THSD4: variants seen among roughly 807,000 people sequenced by gnomAD.
THSD4 encodes thrombospondin type-1 domain-containing protein 4.
Under a neutral mutation model 119.0 loss-of-function variants are expected in THSD4, and 69 were observed. That is an observed-to-expected ratio of 0.58 (90% CI 0.48 to 0.71). THSD4 has a LOEUF of 0.71. THSD4 is among the 30% of genes least tolerant of loss of function. The pLI is 0.00. For missense variants in THSD4, 1,393 were observed against 1,391.1 expected (o/e 1.00, Z -0.02); for synonymous variants, 524 against 540.4 (o/e 0.97, Z 0.42).
At chr15:71,361,971 T>G (rs71395014) in intron 6 of THSD4, among the ~76,000 whole-genome samples, 9,716 of 152,256 alleles carry the variant, frequency 0.064, 419 homozygotes, top group Middle Eastern at 0.11. Flanking sequence ...CATAAGAAAT[T>G]TATATTATTC....
chr15:71,664,959 A>T (rs890637955), intron 8 of THSD4, among the ~76,000 whole-genome samples: 77 of 152,200 alleles, frequency 5.1e-4, no homozygotes, highest in African/African-American at 1.7e-3. Context: ...GAACATATGC[A>T]TGCATGTGTC....
chr15:71,656,675 T>C (rs1205785093), intron 7 of THSD4, among the ~76,000 whole-genome samples: 1 of 152,188 alleles, frequency 6.6e-6, no homozygotes, highest in Non-Finnish European at 1.5e-5. Context: ...ACCTCCGACT[T>C]TTACCTAATG....
intron 6 of THSD4, among the ~76,000 whole-genome samples, chr15:71,376,404 A>G (rs555438480): frequency 6.6e-6 from 1 of 152,112 alleles, no homozygotes; most frequent in Non-Finnish European, 1.5e-5. Context: ...CACCAGTCCC[A>G]TACTCACCTC....
intron 7 of THSD4, among the ~76,000 whole-genome samples, chr15:71,524,763 A>ATTTTTTTTTTTT (rs35666244): frequency 8.6e-6 from 1 of 116,108 alleles, no homozygotes; most frequent in Non-Finnish European, 1.7e-5. Flanking sequence ...CGCCCGGCTA[A>ATTTTTTTTTTTT]TTTTTTTTTT....
At chr15:71,148,245 C>A (rs1189425781) in intron 2 of THSD4, among the ~76,000 whole-genome samples, 2 of 152,136 alleles carry the variant, frequency 1.3e-5, no homozygotes, top group Admixed American at 1.3e-4. Flanking sequence ...CAAGGCAGAT[C>A]CAGAGGGAGC....
At chr15:71,103,652 C>G (rs1005502657) in intron 1 of THSD4, among the ~76,000 whole-genome samples, 3 of 152,122 alleles carry the variant, frequency 2.0e-5, no homozygotes, top group African/African-American at 2.4e-5. Flanking sequence ...CTCCTCCAGT[C>G]AAACAGAATA....
chr15:71,290,874 C>CT (rs2044781849), intron 6 of THSD4, among the ~76,000 whole-genome samples: 4 of 90,820 alleles, frequency 4.4e-5, no homozygotes, highest in Admixed American at 1.3e-4. Flanking sequence ...TTCCTTTTTT[C>CT]CTTTTTTTTT....
chr15:71,242,832 C>G lies in THSD4; in HGVS notation c.648C>G (p.His216Gln). The change falls in exon 5 of 18, where the codon CAC becomes CAG. Residue 216 changes from histidine (H) to glutamine (Q), a missense_variant. Transcript: ENST00000261862. ...SARHGYSSPA[H>Q]QVPQHGPLYQ... The stretch of plus-strand genomic sequence containing the variant: ...GGCATGGCTACAGTTCACCAGCCCA[C>G]CAGGTCCCCCAACATGGGCCTTTGT... The G allele has an allele frequency of 6.2e-7, 1 of 1,614,208 alleles. No individual in the cohort carries two copies. Among genetic ancestry groups the G allele is most frequent in the Non-Finnish European group, 8.5e-7 (1 of 1,180,040 alleles).
At chr15:71,244,999 T>C (rs1271159453) in intron 5 of THSD4, among the ~76,000 whole-genome samples, 3 of 152,200 alleles carry the variant, frequency 2.0e-5, no homozygotes, top group African/African-American at 4.8e-5. Flanking sequence ...GCCAGACCTG[T>C]GCTGCCAACG....
chr15:71,154,787 G>A, intron 2 of THSD4, 76 bp from the exon 3 acceptor site: 1 of 1,445,480 alleles, frequency 6.9e-7, no homozygotes, highest in Non-Finnish European at 9.7e-7. Context: ...CTGATGAGAT[G>A]GCGATGCTGC....
At chr15:71,357,853 A>G (rs1266950981) in intron 6 of THSD4, among the ~76,000 whole-genome samples, 1 of 152,210 alleles carries the variant, frequency 6.6e-6, no homozygotes, top group Non-Finnish European at 1.5e-5. Flanking sequence ...AGGTTTTTCT[A>G]GTTTCCCTTC....
intron 7 of THSD4, among the ~76,000 whole-genome samples, chr15:71,541,059 A>G (rs1215464556): frequency 6.6e-6 from 1 of 152,174 alleles, no homozygotes; most frequent in African/African-American, 2.4e-5. Context: ...ATACATTCAC[A>G]TGTTTGACAG....
intron 8 of THSD4, among the ~76,000 whole-genome samples, chr15:71,704,480 G>C (rs2052357095): frequency 6.6e-6 from 1 of 152,202 alleles, no homozygotes; most frequent in African/African-American, 2.4e-5. Flanking sequence ...CACCATGTGA[G>C]ACATGACTTT....
At chr15:71,543,819 G>A (rs1016603060) in intron 7 of THSD4, among the ~76,000 whole-genome samples, 1 of 152,126 alleles carries the variant, frequency 6.6e-6, no homozygotes, top group Non-Finnish European at 1.5e-5. Context: ...CCTGAGGTTG[G>A]GAGTTCGAGA....
At chr15:71,650,433 A>ATGCC (rs1432630505) in intron 7 of THSD4, among the ~76,000 whole-genome samples, 1 of 152,180 alleles carries the variant, frequency 6.6e-6, no homozygotes, top group Admixed American at 6.5e-5. Flanking sequence ...GCCCCAGACG[A>ATGCC]TGCCTGCACT....
intron 4 of THSD4, among the ~76,000 whole-genome samples, chr15:71,218,100 A>T (rs1471690974): frequency 3.9e-5 from 6 of 152,102 alleles, no homozygotes; most frequent in Non-Finnish European, 8.8e-5. Flanking sequence ...ATCACTTTAC[A>T]CTCATGGTCC....
chr15:71,318,882 C>T (rs1457654804), intron 6 of THSD4, among the ~76,000 whole-genome samples: 3 of 152,154 alleles, frequency 2.0e-5, no homozygotes, highest in African/African-American at 4.8e-5. Flanking sequence ...GAGCTGAGAG[C>T]GGGAGCCCTG....
intron 6 of THSD4, among the ~76,000 whole-genome samples, chr15:71,328,512 C>T (rs2045376678): frequency 6.6e-6 from 1 of 152,218 alleles, no homozygotes; most frequent in Non-Finnish European, 1.5e-5. Flanking sequence ...CAAGCATCCA[C>T]TATGTTCCAG....
intron 6 of THSD4, among the ~76,000 whole-genome samples, chr15:71,399,385 A>ACC (rs1481374315): frequency 6.6e-6 from 1 of 152,198 alleles, no homozygotes; most frequent in South Asian, 2.1e-4. Context: ...ATGCCTGCTA[A>ACC]ATCCAAATGC....
Sources: allele counts gnomAD v4.1 joint callset (sites outside exome capture counted in the v4.1 genomes callset), GRCh38; gene constraint gnomAD v4.1.1; transcripts MANE v1.5; gene names NCBI Gene and HGNC (gene_info 2026-07-23, HGNC 2026-07-21).